Variants in EHMT1 observed in about 807,000 individuals in gnomAD.
EHMT1 encodes the protein euchromatic histone lysine methyltransferase 1, also known as histone-lysine N-methyltransferase EHMT1.
EHMT1 carries 15 observed loss-of-function variants against 147.2 expected under a neutral mutation model. That is an observed-to-expected ratio of 0.10 (90% CI 0.07 to 0.16). The LOEUF is 0.16. Among genes scored for constraint, EHMT1 ranks in the 10% least tolerant of loss-of-function variants. The probability of loss-of-function intolerance (pLI) is 1.00; values close to 1 mark genes in which losing one functional copy is unlikely to be tolerated. For missense variants in EHMT1, 1,587 were observed against 1,772.4 expected (o/e 0.90, Z 1.88); for synonymous variants, 795 against 709.6 (o/e 1.12, Z -1.91).
rs565821068 is a variant in EHMT1 at position 137,695,838 on chromosome 9, G to A, written c.22-15129G>A. 1.1e-4 allele frequency among the ~76,000 whole-genome samples: 17 copies of A among 152,352 alleles called. No individual in the cohort carries two copies. The East Asian group carries it at 3.3e-3, about 29-fold the overall frequency. ...GGAGGGGGATACCGACCCACCTCTC[G>A]ATGGTGGAGTCTCAGAGTACTGCTG... is the stretch of plus-strand genomic sequence containing the variant. On this transcript the variant is annotated intron_variant, in intron 1 of 26. Coordinates refer to ENST00000460843, the MANE Select transcript of EHMT1 (RefSeq NM_024757.5).
chr9:137,752,337 G>A lies in EHMT1; in HGVS notation c.1177G>A (p.Gly393Arg), dbSNP rs772187480. 3 of 1,614,178 alleles carry A rather than the reference G, an allele frequency of 1.9e-6. No individual in the cohort carries two copies. The highest frequency in any genetic ancestry group is 2.2e-5 in the East Asian group (1 of 44,886). The change falls in exon 7 of 27, where the codon GGG (glycine) becomes AGG (arginine). Residue 393 changes from glycine (G) to arginine (R), a missense_variant. By Grantham distance (125) the Gly-to-Arg change is moderately radical (BLOSUM62 -2). Coordinates refer to ENST00000460843, the MANE Select transcript of EHMT1 (RefSeq NM_024757.5). ...SEADRAQKMD[G>R]ESEEEQESVD... is the part of the protein sequence containing the mutation. ...CGACTGTGTGGCTGATCAGATGGACGGGGAGTCCGAGGAGGAGCAGGAGTC... is the reference window on the plus strand; with the variant it reads ...CGACTGTGTGGCTGATCAGATGGACAGGGAGTCCGAGGAGGAGCAGGAGTC...
At position 137,694,748 on chromosome 9, in the gene EHMT1, C is replaced by T. The variant is rs567585764; in HGVS notation, c.22-16219C>T. On this transcript the variant is annotated intron_variant, in intron 1 of 26. Transcript: ENST00000460843. ...GCAGGAGCTGTTAGCAGGAGGCTGGCGAGCAGGTGATCAGGCGCGAGGCCT... is the reference window on the plus strand; with the variant it reads ...GCAGGAGCTGTTAGCAGGAGGCTGGTGAGCAGGTGATCAGGCGCGAGGCCT... Among the ~76,000 whole-genome samples the T allele has an allele frequency of 1.3e-4, 20 of 152,298 alleles. No homozygotes were observed. In the East Asian group the frequency reaches 3.3e-3, roughly 25 times the overall value.
intron 1 of EHMT1, among the ~76,000 whole-genome samples, chr9:137,644,131 C>T (rs887618748): frequency 2.6e-5 from 4 of 152,174 alleles, no homozygotes; most frequent in South Asian, 2.1e-4. Flanking sequence ...CGGCTGATCC[C>T]GCCGTGCATT....
chr9:137,782,238 C>A lies in EHMT1; in HGVS notation c.2276-53C>A. 6.6e-7 allele frequency: 1 copy of A among 1,506,726 alleles called. No homozygotes were observed. Among genetic ancestry groups the A allele is most frequent in the Non-Finnish European group, 9.1e-7 (1 of 1,096,442 alleles). The allele number at this position is 1,506,726 out of a possible 1,614,324, so 93.3% of individuals were successfully genotyped here. On this transcript the variant is annotated intron_variant, in intron 14 of 26. Transcript: ENST00000460843. This position sits in a 1 kb window ranked among gnomAD's most constrained non-coding sequence, Gnocchi z 5.7. ...TGCCAGCCATCGTGACAGTCCTGAG[C>A]TGGAGTCTGTGGCTACATCTGAAAT...
intron 9 of EHMT1, among the ~76,000 whole-genome samples, chr9:137,761,325 C>T (rs1949795047): frequency 6.6e-6 from 1 of 152,218 alleles, no homozygotes; most frequent in Non-Finnish European, 1.5e-5. Flanking sequence ...CCCAAGATAT[C>T]CTTTGTTTTC....
At chr9:137,711,423 G>A (rs1033103824) in intron 2 of EHMT1, among the ~76,000 whole-genome samples, 6 of 152,152 alleles carry the variant, frequency 3.9e-5, no homozygotes, top group Admixed American at 6.5e-5. Flanking sequence ...GTGGGACAGC[G>A]GTCAGCAGCC....
rs1950882759 is a variant in EHMT1 at position 137,775,410 on chromosome 9, A to C, written c.1791+158A>C. Among the ~76,000 whole-genome samples, 1 of 151,052 alleles carries C rather than the reference A, an allele frequency of 6.6e-6. No individual in the cohort carries two copies. The highest frequency in any genetic ancestry group is 1.5e-5 in the Non-Finnish European group (1 of 67,738). On this transcript the variant is annotated intron_variant, in intron 11 of 26. Coordinates refer to ENST00000460843, the MANE Select transcript of EHMT1 (RefSeq NM_024757.5). The surrounding 1 kb of genome is among the most constrained non-coding windows in gnomAD (Gnocchi z 6.1). ...GGTCTCCAGTGTTCACAAGCCCCTC[A>C]CCACCCCTGTCGAGCCCCAGTGCCT...
intron 1 of EHMT1, among the ~76,000 whole-genome samples, chr9:137,626,859 C>T (rs1178186466): frequency 6.6e-6 from 1 of 151,348 alleles, no homozygotes; most frequent in Non-Finnish European, 1.5e-5. Flanking sequence ...GATCTCTGCT[C>T]ACTGTAATCT....
intron 3 of EHMT1, among the ~76,000 whole-genome samples, chr9:137,725,904 C>T (rs1288626622): frequency 1.3e-5 from 2 of 152,148 alleles, no homozygotes; most frequent in Non-Finnish European, 2.9e-5. Flanking sequence ...TGTGCTCTTG[C>T]CTGGAACTCT....
At chr9:137,718,767 T>G (rs1292517585) in intron 3 of EHMT1, among the ~76,000 whole-genome samples, 1 of 151,224 alleles carries the variant, frequency 6.6e-6, no homozygotes, top group Admixed American at 6.6e-5. Context: ...TTTCTTTTTT[T>G]TTTTTTGAGA....
At chr9:137,810,520 A>G (rs182459469) in intron 18 of EHMT1, among the ~76,000 whole-genome samples, 2 of 152,280 alleles carry the variant, frequency 1.3e-5, no homozygotes, top group Non-Finnish European at 2.9e-5. Flanking sequence ...TCTTATGTTT[A>G]CCGTTCATCT....
chr9:137,640,984 A>C (rs1346154134), intron 1 of EHMT1: 3 of 187,884 alleles, frequency 1.6e-5, no homozygotes, highest in African/African-American at 7.2e-5. Flanking sequence ...GAAGGTTCTA[A>C]TCCATGTGTG....
intron 25 of EHMT1, among the ~76,000 whole-genome samples, chr9:137,819,652 AG>A (rs34202822): frequency 0.63 from 55,812 of 88,046 alleles, 18,053 homozygotes; most frequent in East Asian, 0.83. Flanking sequence ...AGAGAGGCTG[AG>A]GGGGGGGGCG....
chr9:137,716,549 G>A lies in EHMT1; in HGVS notation c.86-77G>A, dbSNP rs1419323859. On this transcript the variant is annotated intron_variant, in intron 2 of 26. Transcript: ENST00000460843. ...AGGAAGTTGTGGTGGTGTCATGGTGGGGGAGGAAGTGGTGGTGGTGGTGGT... is the reference window on the plus strand; with the variant it reads ...AGGAAGTTGTGGTGGTGTCATGGTGAGGGAGGAAGTGGTGGTGGTGGTGGT... 4.0e-5 allele frequency: 56 copies of A among 1,406,620 alleles called. No individual in the cohort carries two copies. In the Admixed American group the frequency reaches 7.0e-4, roughly 18 times the overall value. 87.1% of individuals were successfully genotyped at this position (1,406,620 alleles called of 1,614,324 possible). A position where few individuals can be genotyped will look rare whatever the true frequency, so the allele number is the denominator to read the frequency against.
intron 1 of EHMT1, among the ~76,000 whole-genome samples, chr9:137,668,311 C>T (rs1445412747): frequency 6.6e-6 from 1 of 151,892 alleles, no homozygotes; most frequent in Non-Finnish European, 1.5e-5. Flanking sequence ...CTTCCTCTCC[C>T]TTCTATTCAC....
At chr9:137,778,470 C>T (rs1008001925) in intron 13 of EHMT1, among the ~76,000 whole-genome samples, 6 of 152,258 alleles carry the variant, frequency 3.9e-5, no homozygotes, top group Admixed American at 6.5e-5. Context: ...CAAAAACCCA[C>T]CCCTCCTCGT....
chr9:137,827,906 T>A (rs560638124), intron 25 of EHMT1, among the ~76,000 whole-genome samples: 1 of 152,226 alleles, frequency 6.6e-6, no homozygotes, highest in Non-Finnish European at 1.5e-5. Context: ...GGAGGGTACA[T>A]TTAAAGCCCT....
At chr9:137,749,089 G>A (rs910683277) in intron 6 of EHMT1, among the ~76,000 whole-genome samples, 5 of 152,110 alleles carry the variant, frequency 3.3e-5, no homozygotes, top group Non-Finnish European at 5.9e-5. Flanking sequence ...GCAACTTTTG[G>A]TCTGTGGCCT....
chr9:137,774,970 G>T, intron 10 of EHMT1, 139 bp from the exon 11 acceptor site: 8 of 1,219,848 alleles, frequency 6.6e-6, no homozygotes, highest in Non-Finnish European at 8.4e-6. Context: ...GCAAAGCCAA[G>T]CTGGCCTTGC....
Sources: gnomAD v4.1 joint callset for allele counts (sites outside exome capture counted in the v4.1 genomes callset) on GRCh38, gnomAD v4.1.1 for gene constraint, Gnocchi (gnomAD v3.1) non-coding constraint, MANE v1.5 for transcripts, NCBI Gene and HGNC (gene_info 2026-07-23, HGNC 2026-07-21) for gene names.